The following CCDC171 variants were observed in gnomAD, a reference collection of about 807,000 sequenced individuals.
The protein encoded by CCDC171 is coiled-coil domain containing 171, also known as coiled-coil domain-containing protein 171.
In CCDC171, 177 loss-of-function variants were observed where a neutral mutation model predicts 168.2. The observed-to-expected ratio is 1.05, with a 90% CI of 0.93 to 1.19. The LOEUF (loss-of-function observed/expected upper bound fraction) is 1.19, where lower values mean the gene tolerates loss of function less well. Ranked by LOEUF, CCDC171 falls within the 50% of genes most tolerant of loss-of-function variation. The probability of loss-of-function intolerance (pLI) is 0.00; values close to 1 mark genes in which losing one functional copy is unlikely to be tolerated. For missense variants in CCDC171, 1,991 were observed against 1,539.0 expected, an observed-to-expected ratio of 1.29 and a Z score of -4.91; for synonymous variants, 687 against 540.8, an observed-to-expected ratio of 1.27 and a Z score of -3.75.
chr9:15,845,390 G>A (rs12000772), intron 21 of CCDC171, among the ~76,000 whole-genome samples: 11,972 of 151,870 alleles, frequency 0.079, 1,273 homozygotes, highest in African/African-American at 0.24. Context: ...TTTGTTTGAC[G>A]GTAACTCGAC....
downstream of CCDC171, among the ~76,000 whole-genome samples, chr9:15,975,660 A>C (rs1024495738): frequency 6.6e-6 from 1 of 152,194 alleles, no homozygotes; most frequent in Non-Finnish European, 1.5e-5. Flanking sequence ...TGACCATGCT[A>C]TTACTTCCCA....
At chr9:15,855,294 A>G (rs1277840508) in intron 23 of CCDC171, among the ~76,000 whole-genome samples, 1 of 151,854 alleles carries the variant, frequency 6.6e-6, no homozygotes, top group African/African-American at 2.4e-5. Context: ...CTCTTTTATC[A>G]TTATATTATC....
chr9:15,597,827 G>A (rs2042495522), intron 6 of CCDC171, among the ~76,000 whole-genome samples: 2 of 152,128 alleles, frequency 1.3e-5, no homozygotes, highest in South Asian at 4.1e-4. Context: ...TTCAGAGCCT[G>A]TTATTGGTTT....
At chr9:16,035,416 T>C (rs1833446794) in intron 6 of CCDC171, 1 of 152,186 alleles carries the variant, frequency 6.6e-6, no homozygotes. Flanking sequence ...GTGCTTTCTC[T>C]TAATTTAACA....
chr9:15,739,268 A>C (rs1456487736), intron 16 of CCDC171, among the ~76,000 whole-genome samples: 1 of 152,200 alleles, frequency 6.6e-6, no homozygotes, highest in Non-Finnish European at 1.5e-5. Context: ...CGGGTGTTCT[A>C]CAGAACATGT....
At chr9:15,909,246 G>C (rs1012194596) in intron 24 of CCDC171, among the ~76,000 whole-genome samples, 1 of 152,152 alleles carries the variant, frequency 6.6e-6, no homozygotes, top group Non-Finnish European at 1.5e-5. Context: ...ACTGTAGTTG[G>C]TGTTACCATT....
chr9:15,889,420 G>A (rs1376522401), intron 24 of CCDC171, among the ~76,000 whole-genome samples: 1 of 152,128 alleles, frequency 6.6e-6, no homozygotes, highest in African/African-American at 2.4e-5. Flanking sequence ...TTATAGAGAA[G>A]CACATTCAGT....
intron 1 of CCDC171, among the ~76,000 whole-genome samples, chr9:15,554,883 T>C (rs1191855697): frequency 6.6e-6 from 1 of 152,166 alleles, no homozygotes; most frequent in Non-Finnish European, 1.5e-5. Flanking sequence ...CTCATAGAGA[T>C]GTTGGGATTA....
intron 1 of CCDC171, among the ~76,000 whole-genome samples, chr9:16,050,104 C>T (rs903499463): frequency 9.2e-5 from 14 of 152,184 alleles, no homozygotes; most frequent in African/African-American, 3.1e-4. Context: ...CCAGGCTGGT[C>T]TCGATCTCCT....
upstream of CCDC171, among the ~76,000 whole-genome samples, chr9:16,038,920 C>T (rs1048949407): frequency 2.1e-5 from 3 of 144,388 alleles, no homozygotes; most frequent in Non-Finnish European, 4.5e-5. Flanking sequence ...GACTAAAGGG[C>T]GAAATTTATG....
At chr9:16,107,879 A>G in the CCDC171 span, among the ~76,000 whole-genome samples, 1 of 152,234 alleles carries the variant, frequency 6.6e-6, no homozygotes. Context: ...ATTATGAAAG[A>G]ATACATTTCA....
At chr9:15,968,761 A>G (rs1262175311) in intron 25 of CCDC171, among the ~76,000 whole-genome samples, 2 of 152,112 alleles carry the variant, frequency 1.3e-5, no homozygotes, top group Non-Finnish European at 2.9e-5. Context: ...CTGGTCTCCA[A>G]TTCCTGACCT....
At chr9:15,981,399 T>A (rs1459998476) in intron 3 of CCDC171, among the ~76,000 whole-genome samples, 1 of 152,176 alleles carries the variant, frequency 6.6e-6, no homozygotes, top group Non-Finnish European at 1.5e-5. Context: ...AGCTAGCACT[T>A]TGATTTTGGA....
At chr9:15,651,398 C>T (rs1038702404) in intron 7 of CCDC171, among the ~76,000 whole-genome samples, 10 of 151,250 alleles carry the variant, frequency 6.6e-5, no homozygotes, top group Non-Finnish European at 8.8e-5. Context: ...CGTGAGCCAC[C>T]GTGCCTGGCC....
upstream of CCDC171, among the ~76,000 whole-genome samples, chr9:16,041,864 A>T (rs1429844196): frequency 1.3e-5 from 2 of 152,134 alleles, no homozygotes; most frequent in East Asian, 1.9e-4. Flanking sequence ...TTGGAGAAAA[A>T]ATTTGGCATT....
intron 21 of CCDC171, among the ~76,000 whole-genome samples, chr9:15,833,513 A>G (rs1416666863): frequency 6.6e-6 from 1 of 152,200 alleles, no homozygotes; most frequent in African/African-American, 2.4e-5. Flanking sequence ...ATTTCTTTAA[A>G]TAATTTTCTC....
chr9:15,736,701 G>C (rs939925749), intron 16 of CCDC171, among the ~76,000 whole-genome samples: 2 of 141,336 alleles, frequency 1.4e-5, no homozygotes, highest in Non-Finnish European at 3.1e-5. Context: ...TTTTGAAACA[G>C]GGTCTCACTC....
intron 4 of CCDC171, among the ~76,000 whole-genome samples, chr9:15,585,096 A>C (rs1389523487): frequency 6.6e-6 from 1 of 152,198 alleles, no homozygotes; most frequent in African/African-American, 2.4e-5. Flanking sequence ...TCAATACCAA[A>C]TATTGGTGAG....
chr9:16,091,524 A>C, the CCDC171 span, among the ~76,000 whole-genome samples: 2 of 152,182 alleles, frequency 1.3e-5, no homozygotes, highest in Admixed American at 1.3e-4. Flanking sequence ...CAACTGGTCA[A>C]CCTGCCAGTC....
Sources: gnomAD v4.1 joint callset for allele counts (sites outside exome capture counted in the v4.1 genomes callset) on GRCh38, gnomAD v4.1.1 for gene constraint, MANE v1.5 for transcripts, NCBI Gene and HGNC (gene_info 2026-07-23, HGNC 2026-07-21) for gene names.